Variants in UBE2H observed in about 807,000 individuals in gnomAD.
UBE2H encodes the protein ubiquitin conjugating enzyme E2 H, also known as ubiquitin-conjugating enzyme E2 H.
Under a neutral mutation model 29.0 loss-of-function variants are expected in UBE2H, and 3 were observed. That is an observed-to-expected ratio of 0.10 (90% confidence interval 0.05 to 0.27). The LOEUF (loss-of-function observed/expected upper bound fraction) is 0.27, where lower values mean the gene tolerates loss of function less well. Among genes scored for constraint, UBE2H ranks in the 10% least tolerant of loss-of-function variants. UBE2H has a pLI of 1.00. For synonymous variants in UBE2H, 69 were observed against 82.9 expected, an observed-to-expected ratio of 0.83 and a Z score of 0.91; for missense variants, 68 against 228.2, an observed-to-expected ratio of 0.30 and a Z score of 4.52.
intron 1 of UBE2H, among the ~76,000 whole-genome samples, chr7:129,904,605 G>A (rs1203045989): frequency 6.6e-6 from 1 of 152,126 alleles, no homozygotes; most frequent in Non-Finnish European, 1.5e-5. Context: ...CTTCCAAGAG[G>A]GCAAGAACCT....
intron 5 of UBE2H, among the ~76,000 whole-genome samples, chr7:129,849,701 T>A (rs529853843): frequency 1.3e-5 from 2 of 152,218 alleles, no homozygotes; most frequent in African/African-American, 4.8e-5. Context: ...CCAGACTTCC[T>A]GCAGTGCTGT....
At chr7:129,851,067 C>T (rs747916199) in intron 5 of UBE2H, among the ~76,000 whole-genome samples, 8 of 152,078 alleles carry the variant, frequency 5.3e-5, no homozygotes, top group Non-Finnish European at 1.2e-4. Flanking sequence ...ATTCCAAACC[C>T]GCTTAAAAGG....
At chr7:129,836,241 T>C (rs1805322876) in intron 6 of UBE2H, among the ~76,000 whole-genome samples, 1 of 152,256 alleles carries the variant, frequency 6.6e-6, no homozygotes, top group African/African-American at 2.4e-5. Flanking sequence ...TGCGTCTTCC[T>C]TTGTAGAAGA....
chr7:129,922,824 C>T (rs922700726), intron 1 of UBE2H, among the ~76,000 whole-genome samples: 5 of 152,130 alleles, frequency 3.3e-5, no homozygotes, highest in Middle Eastern at 3.2e-3. Flanking sequence ...TGGGCTTAAA[C>T]GATCCTCCAG....
chr7:129,925,719 C>G (rs1469623394), intron 1 of UBE2H, among the ~76,000 whole-genome samples: 2 of 152,214 alleles, frequency 1.3e-5, no homozygotes, highest in Non-Finnish European at 2.9e-5. Flanking sequence ...ATAGTCTCAG[C>G]TAGCTCTTAG....
At chr7:129,928,002 A>G (rs1316120787) in intron 1 of UBE2H, among the ~76,000 whole-genome samples, 1 of 149,268 alleles carries the variant, frequency 6.7e-6, no homozygotes. Flanking sequence ...CCTGGGCAAC[A>G]TGGCGAAATA....
intron 5 of UBE2H, among the ~76,000 whole-genome samples, chr7:129,848,226 C>CAAAAAA (rs1805546180): frequency 6.6e-6 from 1 of 151,972 alleles, no homozygotes; most frequent in African/African-American, 2.4e-5. Context: ...CTGTCTCAAA[C>CAAAAAA]AAAAACAAAA....
At chr7:129,857,617 T>C in intron 4 of UBE2H, 54 bp from the exon 5 acceptor site, 1 of 1,562,346 alleles carries the variant, frequency 6.4e-7, no homozygotes, top group Non-Finnish European at 8.7e-7. Flanking sequence ...GTTAGTTGCA[T>C]GTATCTGGCA....
At chr7:129,878,268 T>C (rs577816704) in intron 3 of UBE2H, among the ~76,000 whole-genome samples, 3 of 152,242 alleles carry the variant, frequency 2.0e-5, no homozygotes, top group East Asian at 3.9e-4. Flanking sequence ...CACTTTACCA[T>C]TCACAACGCT....
intron 1 of UBE2H, among the ~76,000 whole-genome samples, chr7:129,939,830 G>A (rs979465909): frequency 2.6e-5 from 4 of 151,922 alleles, no homozygotes; most frequent in African/African-American, 4.8e-5. Context: ...ATGGTGGCGC[G>A]TGCCTGTAAT....
At chr7:129,923,838 A>C (rs534833011) in intron 1 of UBE2H, among the ~76,000 whole-genome samples, 1 of 152,200 alleles carries the variant, frequency 6.6e-6, no homozygotes, top group East Asian at 1.9e-4. Flanking sequence ...AGGGAACTGT[A>C]AGTTTCCATC....
chr7:129,942,435 C>T (rs1353454048), intron 1 of UBE2H, among the ~76,000 whole-genome samples: 3 of 151,920 alleles, frequency 2.0e-5, no homozygotes, highest in Non-Finnish European at 2.9e-5. Flanking sequence ...CGCAGTGAGC[C>T]GAGATCATGC....
intron 1 of UBE2H, among the ~76,000 whole-genome samples, chr7:129,902,325 C>A (rs1171659290): frequency 6.6e-6 from 1 of 152,130 alleles, no homozygotes; most frequent in East Asian, 1.9e-4. Flanking sequence ...ATGGCAAAAC[C>A]CCGTCTCTAC....
chr7:129,891,970 T>TTTTTTTTTTTTTA (rs1806501597), intron 1 of UBE2H, among the ~76,000 whole-genome samples: 3 of 145,040 alleles, frequency 2.1e-5, no homozygotes, highest in Non-Finnish European at 4.6e-5. Context: ...TTTTTTTTTT[T>TTTTTTTTTTTTTA]GAGACGGAGT....
At chr7:129,877,467 C>T (rs772633282) in intron 3 of UBE2H, among the ~76,000 whole-genome samples, 6 of 152,162 alleles carry the variant, frequency 3.9e-5, no homozygotes, top group Non-Finnish European at 8.8e-5. Context: ...CTGTTGATGA[C>T]CTGAAAATGG....
At chr7:129,903,785 T>C (rs973267891) in intron 1 of UBE2H, among the ~76,000 whole-genome samples, 2 of 152,030 alleles carry the variant, frequency 1.3e-5, no homozygotes, top group Admixed American at 6.6e-5. Context: ...ACACACCTGT[T>C]ATCCAAGCTA....
intron 4 of UBE2H, 133 bp from the exon 5 acceptor site, chr7:129,857,696 A>G: frequency 1.1e-6 from 1 of 938,982 alleles, no homozygotes; most frequent in African/African-American, 1.7e-5. Context: ...AATTGGGGAA[A>G]AGTATGATGA....
At chr7:129,859,091 T>G in intron 3 of UBE2H, 150 bp from the exon 4 acceptor site, 4 of 627,482 alleles carry the variant, frequency 6.4e-6, no homozygotes, top group Non-Finnish European at 5.5e-6. Flanking sequence ...TGATAAACAT[T>G]ATATTCTCCT....
chr7:129,841,165 A>G (rs1805422902), intron 5 of UBE2H, among the ~76,000 whole-genome samples: 2 of 152,260 alleles, frequency 1.3e-5, no homozygotes, highest in South Asian at 4.1e-4. Flanking sequence ...TAGGCTTTGC[A>G]GGCCACATAT....
Sources: allele counts gnomAD v4.1 joint callset (sites outside exome capture counted in the v4.1 genomes callset), GRCh38; gene constraint gnomAD v4.1.1; transcripts MANE v1.5; gene names NCBI Gene and HGNC (gene_info 2026-07-23, HGNC 2026-07-21).